Variants in CEP63 observed in about 807,000 individuals in gnomAD.
CEP63 encodes centrosomal protein of 63 kDa.
Under a neutral mutation model 89.1 loss-of-function variants are expected in CEP63, and 84 were observed. That is an observed-to-expected ratio of 0.94 (90% CI 0.79 to 1.13). The LOEUF (loss-of-function observed/expected upper bound fraction) is 1.13, where lower values mean the gene tolerates loss of function less well. Among genes scored for constraint, CEP63 ranks in the 50% most tolerant of loss-of-function variants. The pLI, the probability that CEP63 is intolerant of heterozygous loss-of-function variation, is 0.00. For missense variants in CEP63, 838 were observed against 813.3 expected (o/e 1.03, Z -0.37); for synonymous variants, 267 against 272.5 (o/e 0.98, Z 0.20).
chr3:134,567,203 A>G (rs536659927), downstream of CEP63, among the ~76,000 whole-genome samples: 1 of 151,288 alleles, frequency 6.6e-6, no homozygotes, highest in East Asian at 2.0e-4. Flanking sequence ...TGAATTGCCC[A>G]GAATTGACAA....
At chr3:134,693,291 G>C in the CEP63 span, among the ~76,000 whole-genome samples, 14 of 152,248 alleles carry the variant, frequency 9.2e-5, no homozygotes, top group South Asian at 2.5e-3. Flanking sequence ...ACCTATGATG[G>C]ATGGAGTTCC....
rs539665965 is a variant in CEP63, at chr3:134,530,505, T to C, written c.223-1340T>C. Among the ~76,000 whole-genome samples, 33 of 152,334 alleles carry C rather than the reference T, an allele frequency of 2.2e-4. No homozygotes were observed. The South Asian group carries it at 5.8e-3, about 27-fold the overall frequency. On this transcript the variant is annotated intron_variant, in intron 3 of 14. Coordinates refer to ENST00000675561, the MANE Select transcript of CEP63 (RefSeq NM_001353108.3). ...TTGTGTACTAAAAGTTAAAAGCCCT[T>C]TGATTTTTTTGTAAATATTTTTCTC... is the stretch of plus-strand genomic sequence containing the variant.
chr3:134,648,149 A>G, the CEP63 span, among the ~76,000 whole-genome samples: 1 of 152,146 alleles, frequency 6.6e-6, no homozygotes, highest in Non-Finnish European at 1.5e-5. Flanking sequence ...TGGCAGCGGG[A>G]GCTGCTGCAA....
At chr3:134,664,741 T>C in the CEP63 span, among the ~76,000 whole-genome samples, 6 of 144,340 alleles carry the variant, frequency 4.2e-5, no homozygotes, top group Admixed American at 4.3e-4. Context: ...ACTAGTACCA[T>C]GGAATGTTGG....
chr3:134,764,356 A>G, the CEP63 span, among the ~76,000 whole-genome samples: 6 of 152,166 alleles, frequency 3.9e-5, no homozygotes, highest in South Asian at 1.2e-3. Context: ...GTGACAATAG[A>G]CAGTTCTTTG....
the CEP63 span, among the ~76,000 whole-genome samples, chr3:134,752,763 C>T: frequency 6.6e-6 from 1 of 152,106 alleles, no homozygotes; most frequent in Non-Finnish European, 1.5e-5. Context: ...TACATGAGGT[C>T]TCATTAATAC....
At chr3:134,516,996 A>T (rs531780404) in intron 3 of CEP63, among the ~76,000 whole-genome samples, 1 of 152,218 alleles carries the variant, frequency 6.6e-6, no homozygotes, top group East Asian at 1.9e-4. Context: ...TAGTGGAGGG[A>T]CTAGGTGAAT....
At chr3:134,708,288 A>G in the CEP63 span, among the ~76,000 whole-genome samples, 2 of 152,256 alleles carry the variant, frequency 1.3e-5, no homozygotes, top group Non-Finnish European at 2.9e-5. Context: ...TTGTTCAATT[A>G]GTCATAGATT....
chr3:134,495,160 C>T, intron 1 of CEP63, 136 bp from the exon 2 acceptor site: 1 of 693,698 alleles, frequency 1.4e-6, no homozygotes, highest in Non-Finnish European at 2.6e-6. Context: ...TCTTTGACTG[C>T]TTCTACAGTC....
chr3:134,530,657 A>C (rs1949688715), intron 3 of CEP63, among the ~76,000 whole-genome samples: 2 of 152,162 alleles, frequency 1.3e-5, no homozygotes, highest in African/African-American at 4.8e-5. Context: ...TTCATCCAGA[A>C]ATTCAGTTAC....
the CEP63 span, among the ~76,000 whole-genome samples, chr3:134,621,820 A>G: frequency 2.6e-5 from 4 of 152,222 alleles, no homozygotes; most frequent in Non-Finnish European, 4.4e-5. Flanking sequence ...CATATATCCA[A>G]TAAGGGTTAA....
chr3:134,678,911 G>T, the CEP63 span, among the ~76,000 whole-genome samples: 1 of 152,130 alleles, frequency 6.6e-6, no homozygotes, highest in Non-Finnish European at 1.5e-5. Flanking sequence ...GTGCAAATGG[G>T]CCCCTAACAT....
At chr3:134,657,337 A>G in the CEP63 span, among the ~76,000 whole-genome samples, 1 of 152,220 alleles carries the variant, frequency 6.6e-6, no homozygotes, top group Non-Finnish European at 1.5e-5. Flanking sequence ...TCTGGGAGAT[A>G]CAATTCAACT....
chr3:134,507,440 T>G (rs1296403935), intron 3 of CEP63, among the ~76,000 whole-genome samples, 154 bp downstream of exon 3: 2 of 152,216 alleles, frequency 1.3e-5, no homozygotes, highest in African/African-American at 4.8e-5. Context: ...GAAGAAAAAT[T>G]CATTGTGAAA....
At chr3:134,763,217 C>T in the CEP63 span, among the ~76,000 whole-genome samples, 3 of 152,202 alleles carry the variant, frequency 2.0e-5, no homozygotes, top group East Asian at 5.8e-4. Flanking sequence ...TCTCCAAATG[C>T]TATCCCTCCC....
At chr3:134,603,606 G>C in the CEP63 span, 1 of 1,594,070 alleles carries the variant, frequency 6.3e-7, no homozygotes. Flanking sequence ...TGTATTTCAG[G>C]ATGTAGGAGT....
chr3:134,619,148 C>A, the CEP63 span: 2 of 1,612,612 alleles, frequency 1.2e-6, no homozygotes, highest in Non-Finnish European at 1.7e-6. Flanking sequence ...TCTCTCGTAC[C>A]TGCACATTCT....
chr3:134,649,273 GC>G, the CEP63 span, among the ~76,000 whole-genome samples: 7 of 152,278 alleles, frequency 4.6e-5, 1 homozygote, highest in South Asian at 1.5e-3. Flanking sequence ...TGAGTCTGGA[GC>G]CATGGCGAGT....
the CEP63 span, among the ~76,000 whole-genome samples, chr3:134,721,593 G>C: frequency 6.6e-6 from 1 of 152,076 alleles, no homozygotes; most frequent in Non-Finnish European, 1.5e-5. Flanking sequence ...TATGATGCTA[G>C]CTGTGGATTT....
Sources: allele counts gnomAD v4.1 joint callset (sites outside exome capture counted in the v4.1 genomes callset), GRCh38; gene constraint gnomAD v4.1.1; transcripts MANE v1.5; gene names NCBI Gene and HGNC (gene_info 2026-07-23, HGNC 2026-07-21).